PTPRD: variants seen among roughly 807,000 people sequenced by gnomAD.
PTPRD encodes the protein receptor-type tyrosine-protein phosphatase delta.
Under a neutral mutation model 214.5 loss-of-function variants are expected in PTPRD, and 34 were observed. That is an observed-to-expected ratio of 0.16 (90% CI 0.12 to 0.21). PTPRD has a LOEUF of 0.21. Ranked by LOEUF, PTPRD falls within the 10% of genes least tolerant of loss-of-function variation. The probability of loss-of-function intolerance (pLI) is 1.00; values close to 1 mark genes in which losing one functional copy is unlikely to be tolerated. For synonymous variants in PTPRD, 1,128 were observed against 845.7 expected (o/e 1.33, Z -5.79); for missense variants, 2,545 against 2,398.7 (o/e 1.06, Z -1.27).
intron 34 of PTPRD, among the ~76,000 whole-genome samples, chr9:8,437,526 T>G (rs917762768): frequency 3.3e-5 from 5 of 152,140 alleles, no homozygotes; most frequent in African/African-American, 9.7e-5. Flanking sequence ...GACACCAAAC[T>G]GAGCTTCAAA....
intron 2 of PTPRD, among the ~76,000 whole-genome samples, chr9:10,342,966 CTTGT>C (rs1241400609): frequency 6.6e-6 from 1 of 152,060 alleles, no homozygotes; most frequent in African/African-American, 2.4e-5. Context: ...CTCCATACCT[CTTGT>C]TTGTTACACA....
intron 3 of PTPRD, among the ~76,000 whole-genome samples, chr9:10,182,259 CAAAAAAA>C (rs3075574): frequency 3.7e-5 from 2 of 54,442 alleles, no homozygotes; most frequent in African/African-American, 8.0e-5. Flanking sequence ...GACTCTGCCT[CAAAAAAA>C]AAAAAAAAAA....
intron 2 of PTPRD, among the ~76,000 whole-genome samples, chr9:10,582,861 G>A (rs1237617275): frequency 2.0e-5 from 3 of 152,182 alleles, no homozygotes; most frequent in African/African-American, 7.2e-5. Context: ...ACTACGTCAG[G>A]TGACAAAGAA....
At chr9:8,886,289 CTAACTATG>C (rs1194793452) in intron 11 of PTPRD, among the ~76,000 whole-genome samples, 1 of 152,118 alleles carries the variant, frequency 6.6e-6, no homozygotes, top group Non-Finnish European at 1.5e-5. Context: ...TGGTATTTCA[CTAACTATG>C]TAATTGCCAT....
chr9:9,344,009 T>C (rs143621418), intron 9 of PTPRD, among the ~76,000 whole-genome samples: 1 of 152,180 alleles, frequency 6.6e-6, no homozygotes, highest in Non-Finnish European at 1.5e-5. Context: ...ATAATATGTA[T>C]CTTAGGTGCT....
Position 10,472,082 on chromosome 9 carries a change from G to C in PTPRD, c.-599-131065C>G, listed in dbSNP as rs1254015304. ...TTTTGCTACATGCTAATAAGGGCAA[G>C]TAAGAACAAGATATTCAACATAAAT... is the stretch of plus-strand genomic sequence containing the variant. On this transcript the variant is annotated intron_variant, in intron 2 of 45. Coordinates refer to ENST00000381196, the MANE Select transcript of PTPRD (RefSeq NM_002839.4). Among the ~76,000 whole-genome samples, 2 of 152,024 alleles carry C rather than the reference G, an allele frequency of 1.3e-5. 1 individual carries two copies. Among genetic ancestry groups the C allele is most frequent in the Non-Finnish European group, 2.9e-5 (2 of 67,984 alleles).
At chr9:8,397,497 A>G (rs1285777711) in intron 36 of PTPRD, among the ~76,000 whole-genome samples, 1 of 152,164 alleles carries the variant, frequency 6.6e-6, no homozygotes, top group African/African-American at 2.4e-5. Flanking sequence ...AAATACATCC[A>G]GTTACCAGAT....
chr9:9,944,173 C>G (rs754394934), intron 4 of PTPRD, among the ~76,000 whole-genome samples: 2 of 152,110 alleles, frequency 1.3e-5, no homozygotes, highest in African/African-American at 2.4e-5. Flanking sequence ...CTCATCTTTC[C>G]TGTTTGCCCA....
rs182689816 is a variant in PTPRD, at chr9:9,661,061, A to C, written c.-287+73472T>G. Among the ~76,000 whole-genome samples, 27 of 152,156 alleles carry C rather than the reference A, an allele frequency of 1.8e-4. No homozygotes were observed. The East Asian group carries it at 4.8e-3, about 27-fold the overall frequency. ...ACCACCACGTAACTTTCCATAAAGAAATGAAACTTCCTACTTCAGAAAAAC... is the reference window on the plus strand; with the variant it reads ...ACCACCACGTAACTTTCCATAAAGACATGAAACTTCCTACTTCAGAAAAAC... On this transcript the variant is annotated intron_variant, in intron 7 of 45. Transcript: ENST00000381196.
intron 3 of PTPRD, among the ~76,000 whole-genome samples, chr9:10,135,330 C>T (rs2098934306): frequency 6.6e-6 from 1 of 152,056 alleles, no homozygotes; most frequent in Non-Finnish European, 1.5e-5. Flanking sequence ...TACAAGTTTT[C>T]CCAATCTCAT....
intron 21 of PTPRD, among the ~76,000 whole-genome samples, chr9:8,517,506 G>A (rs2097801659): frequency 6.6e-6 from 1 of 152,060 alleles, no homozygotes; most frequent in Non-Finnish European, 1.5e-5. Context: ...ATACTCTTTT[G>A]AGACCACTCT....
At chr9:9,135,785 T>C (rs563286796) in intron 10 of PTPRD, among the ~76,000 whole-genome samples, 1 of 152,096 alleles carries the variant, frequency 6.6e-6, no homozygotes, top group Non-Finnish European at 1.5e-5. Flanking sequence ...TTTAATAGTT[T>C]AAAGATAGAA....
At chr9:9,664,661 G>T (rs903320038) in intron 7 of PTPRD, among the ~76,000 whole-genome samples, 1 of 151,640 alleles carries the variant, frequency 6.6e-6, no homozygotes, top group Admixed American at 6.6e-5. Flanking sequence ...AGAATAAATT[G>T]TATCCTTAAT....
At chr9:9,184,681 C>A (rs2099930281) in intron 9 of PTPRD, among the ~76,000 whole-genome samples, 1 of 152,080 alleles carries the variant, frequency 6.6e-6, no homozygotes, top group Admixed American at 6.6e-5. Context: ...AGATTTCCCA[C>A]ATTAGATTGT....
At chr9:9,899,806 C>A (rs531076353) in intron 5 of PTPRD, among the ~76,000 whole-genome samples, 1 of 152,094 alleles carries the variant, frequency 6.6e-6, no homozygotes, top group Non-Finnish European at 1.5e-5. Flanking sequence ...ACTTAAGTGT[C>A]CATCAAGAAA....
At chr9:9,110,759 C>G (rs564605490) in intron 10 of PTPRD, among the ~76,000 whole-genome samples, 2 of 152,246 alleles carry the variant, frequency 1.3e-5, no homozygotes, top group Non-Finnish European at 2.9e-5. Flanking sequence ...CTATTTTGTG[C>G]CAGGCATTTT....
rs1176159031 is a variant in PTPRD at position 9,467,588 on chromosome 9, C to CAA, written c.-236-70108_-236-70107dup. Among the ~76,000 whole-genome samples the CAA allele has an allele frequency of 1.5e-3, 83 of 55,920 alleles. 6 individuals carry two copies. In the South Asian group the frequency reaches 0.045, roughly 30 times the overall value. 36.7% of individuals were successfully genotyped at this position (55,920 alleles called of 152,430 possible). A position where few individuals can be genotyped will look rare whatever the true frequency, so the allele number is the denominator to read the frequency against. On this transcript the variant is annotated intron_variant, in intron 8 of 45. Transcript: ENST00000381196. The stretch of plus-strand genomic sequence containing the variant: ...GGCGACAGAGCGGGACTCCATCTCC[C>CAA]AAAAAAAAAAAAAAAAAAAAAAGTT...
chr9:9,340,705 C>A (rs2046449539), intron 9 of PTPRD, among the ~76,000 whole-genome samples: 1 of 152,180 alleles, frequency 6.6e-6, no homozygotes, highest in Non-Finnish European at 1.5e-5. Flanking sequence ...TGTTGGAAAA[C>A]AATTATATTT....
intron 2 of PTPRD, among the ~76,000 whole-genome samples, chr9:10,342,122 C>T (rs980062000): frequency 6.6e-6 from 1 of 151,966 alleles, no homozygotes; most frequent in African/African-American, 2.4e-5. Flanking sequence ...ACTTGAGTAT[C>T]AATCTGATTC....
Sources: gnomAD v4.1 joint callset for allele counts (sites outside exome capture counted in the v4.1 genomes callset) on GRCh38, gnomAD v4.1.1 for gene constraint, MANE v1.5 for transcripts, NCBI Gene and HGNC (gene_info 2026-07-23, HGNC 2026-07-21) for gene names.